Variants in NDST1 observed in about 807,000 individuals in gnomAD.
The protein encoded by NDST1 is bifunctional heparan sulfate N-deacetylase/N-sulfotransferase 1.
A neutral mutation model predicts 92.8 loss-of-function variants in NDST1; 35 were observed. The observed-to-expected ratio is 0.38, with a 90% CI of 0.29 to 0.50. The LOEUF (loss-of-function observed/expected upper bound fraction) is 0.50. NDST1 is among the 20% of genes least tolerant of loss of function. The probability of loss-of-function intolerance (pLI) is 0.94; values close to 1 mark genes in which losing one functional copy is unlikely to be tolerated. For synonymous variants in NDST1, 493 were observed against 500.3 expected, an observed-to-expected ratio of 0.99 and a Z score of 0.19; for missense variants, 822 against 1,182.7, an observed-to-expected ratio of 0.69 and a Z score of 4.47.
intron 12 of NDST1, 29 bp downstream of exon 12, chr5:150,548,417 G>A (rs759388803): frequency 6.2e-7 from 1 of 1,604,342 alleles, no homozygotes; most frequent in South Asian, 1.1e-5. Context: ...CCTTGTGAGG[G>A]CAGTCACAGT....
In NDST1 at chr5:150,535,701, A is replaced by G. The variant is rs759249762; in HGVS notation, c.1253A>G (p.Glu418Gly). Residue 418 changes from glutamate to glycine, a missense_variant and splice_region_variant, in exon 6 of 15, where the codon GAG becomes GGG. By Grantham distance (98) the Glu-to-Gly change is moderately conservative. Transcript: ENST00000261797. ...QMALNKKFAVEHGIPTDMGYA... is the reference protein window; with the variant it reads ...QMALNKKFAVGHGIPTDMGYA... ...CTGGCCTGGTCATCCTCTCCCTAGGAGCATGGCATTCCCACAGACATGGGG... is the reference window on the plus strand; with the variant it reads ...CTGGCCTGGTCATCCTCTCCCTAGGGGCATGGCATTCCCACAGACATGGGG... 4.3e-6 allele frequency: 7 copies of G among 1,614,052 alleles called. No individual in the cohort carries two copies. In the South Asian group the frequency reaches 5.5e-5, roughly 13 times the overall value.
At chr5:150,506,579 A>G (rs1056669033), upstream of NDST1, among the ~76,000 whole-genome samples, 3 of 152,096 alleles carry the variant, frequency 2.0e-5, no homozygotes, top group African/African-American at 7.2e-5. Flanking sequence ...TTCCTCTTTA[A>G]AAGGAGCCTC....
At chr5:150,540,513 A>G (rs1041182152) in intron 8 of NDST1, among the ~76,000 whole-genome samples, 1 of 152,158 alleles carries the variant, frequency 6.6e-6, no homozygotes, top group Non-Finnish European at 1.5e-5. Context: ...CTTGGAAAAA[A>G]CAGTGTTAAA....
chr5:150,535,854 A>G lies in NDST1; in HGVS notation c.1406A>G (p.Tyr469Cys). 4 of 1,613,854 alleles carry G rather than the reference A, an allele frequency of 2.5e-6. No homozygotes were observed. Among genetic ancestry groups the G allele is most frequent in the Non-Finnish European group, 2.5e-6 (3 of 1,179,940 alleles). The change falls in exon 6 of 15, where the codon TAC becomes TGC. Residue 469 changes from tyrosine (Y) to cysteine (C), a missense_variant. Coordinates refer to ENST00000261797, the MANE Select transcript of NDST1 (RefSeq NM_001543.5). The part of the protein sequence containing the change: ...EEYPHLKPAR[Y>C]RRGFIHNGIM... ...TACCCCCACCTGAAGCCAGCCCGCT[A>G]CCGCCGTGGCTTCATCCACAATGGC...
Position 150,552,908 on chromosome 5 carries a change from G to A in NDST1, c.2530-305G>A, listed in dbSNP as rs534886203. Among the ~76,000 whole-genome samples, 12 of 152,262 alleles carry A rather than the reference G, an allele frequency of 7.9e-5. No individual in the cohort carries two copies. In the South Asian group the frequency reaches 1.5e-3, roughly 18 times the overall value. ...GTCACCCAGGCTGGAGTGCAATCGC[G>A]TGATCTTGGCTCACTGCAACCTCCG... is the stretch of plus-strand genomic sequence containing the variant. On this transcript the variant is annotated intron_variant, in intron 14 of 14. Transcript: ENST00000261797.
At chr5:150,545,060 C>T (rs1291595563) in intron 10 of NDST1, among the ~76,000 whole-genome samples, 7 of 152,196 alleles carry the variant, frequency 4.6e-5, no homozygotes, top group African/African-American at 1.7e-4. Flanking sequence ...ACTGCCGGCG[C>T]ACCCACAAGT....
At chr5:150,524,113 C>G (rs1347912270) in intron 2 of NDST1, among the ~76,000 whole-genome samples, 1 of 152,178 alleles carries the variant, frequency 6.6e-6, no homozygotes, top group Non-Finnish European at 1.5e-5. Flanking sequence ...CTTAAAAGTC[C>G]AGACAGGTTC....
At chr5:150,549,623 C>T (rs1053678945) in intron 12 of NDST1, 55 bp from the exon 13 acceptor site, 1 of 1,074,354 alleles carries the variant, frequency 9.3e-7, no homozygotes, top group Non-Finnish European at 1.4e-6. Context: ...GTGGCTGTTG[C>T]CCTTGTTTGC....
chr5:150,549,637 C>T (rs1003335879), intron 12 of NDST1, 41 bp from the exon 13 acceptor site: 11 of 1,289,376 alleles, frequency 8.5e-6, no homozygotes, highest in African/African-American at 2.9e-5. Flanking sequence ...TGTTTGCCAC[C>T]GAAGTCAAAG....
chr5:150,527,113 A>T (rs1416093863), intron 2 of NDST1, among the ~76,000 whole-genome samples: 2 of 152,050 alleles, frequency 1.3e-5, no homozygotes, highest in Non-Finnish European at 2.9e-5. Context: ...CAGTTTGGAA[A>T]CCCCAGGCAA....
intron 2 of NDST1, 139 bp from the exon 3 acceptor site, chr5:150,527,665 G>A (rs144975223): frequency 1.1e-5 from 13 of 1,212,576 alleles, no homozygotes; most frequent in African/African-American, 4.5e-5. Context: ...AGGGTGGAGC[G>A]CAGGGCCAGG....
At chr5:150,530,135 G>A (rs1426074814) in intron 3 of NDST1, among the ~76,000 whole-genome samples, 1 of 152,202 alleles carries the variant, frequency 6.6e-6, no homozygotes, top group Non-Finnish European at 1.5e-5. Flanking sequence ...ATAGGTGCCT[G>A]GATAGCTGGG....
chr5:150,539,906 T>C, intron 7 of NDST1, 176 bp from the exon 8 acceptor site: 1 of 766,856 alleles, frequency 1.3e-6, no homozygotes. Context: ...TCAGGCCTGG[T>C]TCGTCTGTCA....
At chr5:150,517,586 G>A (rs1344897213) in intron 1 of NDST1, among the ~76,000 whole-genome samples, 2 of 152,132 alleles carry the variant, frequency 1.3e-5, no homozygotes, top group African/African-American at 2.4e-5. Flanking sequence ...TACCATCGTC[G>A]TCTCATACAC....
chr5:150,516,249 C>G (rs563256737), intron 1 of NDST1, among the ~76,000 whole-genome samples: 2 of 152,350 alleles, frequency 1.3e-5, no homozygotes, highest in East Asian at 3.9e-4. Flanking sequence ...GCTGCCCTCC[C>G]CTGCCTGAGT....
intron 1 of NDST1, among the ~76,000 whole-genome samples, chr5:150,501,621 C>T (rs1343508809): frequency 2.0e-5 from 3 of 152,124 alleles, no homozygotes; most frequent in African/African-American, 7.2e-5. Context: ...ATGAGGGAGA[C>T]AATAGTCCCT....
intron 3 of NDST1, among the ~76,000 whole-genome samples, chr5:150,530,557 A>ATTT (rs71589713): frequency 2.4e-4 from 30 of 127,246 alleles, no homozygotes; most frequent in East Asian, 4.7e-4. Context: ...CGTATTTTAA[A>ATTT]TTTTTTTTTT....
Position 150,540,268 on chromosome 5 carries a change from G to T in NDST1, c.1749+4G>T, listed in dbSNP as rs763864532. 2.5e-6 allele frequency: 4 copies of T among 1,599,738 alleles called. No individual in the cohort carries two copies. The highest frequency in any genetic ancestry group is 1.1e-5 in the South Asian group (1 of 89,328). ...GGAGAAGGACCCGCTCTGGCAGGTG[G>T]GGGGCTGGGCAGCCTGGGCAGGTTG... is the stretch of plus-strand genomic sequence containing the variant. On this transcript the variant is annotated splice_donor_region_variant and intron_variant, in intron 8 of 14. Coordinates refer to ENST00000261797, the MANE Select transcript of NDST1 (RefSeq NM_001543.5).
Position 150,553,172 on chromosome 5 carries a change from T to G in NDST1, c.2530-41T>G, listed in dbSNP as rs772902947. The G allele has an allele frequency of 3.1e-6, 5 of 1,604,024 alleles. No individual in the cohort carries two copies. The South Asian group carries it at 4.4e-5, about 14-fold the overall frequency. ...GGCGATTTTTAGAGGAGGTCACTCT[T>G]AAGTCAGTACACAAGGTCTGAGCTT... On this transcript the variant is annotated intron_variant, in intron 14 of 14. Coordinates refer to ENST00000261797, the MANE Select transcript of NDST1 (RefSeq NM_001543.5). The surrounding 1 kb of genome is among the most constrained non-coding windows in gnomAD (Gnocchi z 4.2).
Sources: gnomAD v4.1 joint callset for allele counts (sites outside exome capture counted in the v4.1 genomes callset) on GRCh38, gnomAD v4.1.1 for gene constraint, Gnocchi (gnomAD v3.1) non-coding constraint, MANE v1.5 for transcripts, NCBI Gene and HGNC (gene_info 2026-07-23, HGNC 2026-07-21) for gene names.